GLIS3: variants seen among roughly 807,000 people sequenced by gnomAD.
GLIS3 encodes the protein GLIS family zinc finger 3.
A neutral mutation model predicts 78.6 loss-of-function variants in GLIS3; 53 were observed. That is an observed-to-expected ratio of 0.67 (90% CI 0.54 to 0.85). GLIS3 has a LOEUF of 0.85. GLIS3 is among the 40% of genes least tolerant of loss of function. The pLI is 0.00. For missense variants in GLIS3, 1,703 were observed against 1,231.1 expected (o/e 1.38, Z -5.74); for synonymous variants, 684 against 509.9 (o/e 1.34, Z -4.60).
intron 2 of GLIS3, among the ~76,000 whole-genome samples, chr9:4,135,192 C>G (rs992733659): frequency 6.6e-6 from 1 of 152,178 alleles, no homozygotes; most frequent in Non-Finnish European, 1.5e-5. Flanking sequence ...AGCATTATCT[C>G]TCTTTTATTT....
intron 8 of GLIS3, among the ~76,000 whole-genome samples, chr9:3,866,844 G>A (rs1006754910): frequency 3.3e-5 from 5 of 152,156 alleles, no homozygotes; most frequent in African/African-American, 1.2e-4. Context: ...TTGTGGTGTA[G>A]AGCAGTGCCA....
chr9:4,366,973 C>T, the GLIS3 span, among the ~76,000 whole-genome samples: 1 of 152,222 alleles, frequency 6.6e-6, no homozygotes, highest in Non-Finnish European at 1.5e-5. Flanking sequence ...GAAAGACATC[C>T]ATCCCTGAAT....
intron 2 of GLIS3, among the ~76,000 whole-genome samples, chr9:4,165,222 C>T (rs1835786360): frequency 6.6e-6 from 1 of 152,148 alleles, no homozygotes; most frequent in African/African-American, 2.4e-5. Flanking sequence ...GGGCAGATCA[C>T]CTAAGGTCAG....
chr9:4,482,208 T>G, the GLIS3 span, among the ~76,000 whole-genome samples: 2 of 152,234 alleles, frequency 1.3e-5, no homozygotes, highest in Non-Finnish European at 2.9e-5. Context: ...ATGGAATTTT[T>G]CTTCAATTTG....
chr9:4,334,044 A>G (rs1276014042), intron 2 of GLIS3, among the ~76,000 whole-genome samples: 2 of 152,198 alleles, frequency 1.3e-5, no homozygotes, highest in Non-Finnish European at 2.9e-5. Context: ...TTCATGAGGC[A>G]GACAATACTC....
intron 4 of GLIS3, among the ~76,000 whole-genome samples, chr9:4,103,783 TTC>T (rs985357316): frequency 4.6e-5 from 7 of 152,184 alleles, no homozygotes; most frequent in African/African-American, 1.7e-4. Flanking sequence ...CCCTCTTGTT[TTC>T]TGTTTGACTA....
chr9:4,033,214 C>T (rs1465234569), intron 4 of GLIS3, among the ~76,000 whole-genome samples: 1 of 151,982 alleles, frequency 6.6e-6, no homozygotes, highest in Non-Finnish European at 1.5e-5. Context: ...GCTGGAAGAG[C>T]TTCCCACACC....
rs529770327 is a variant in GLIS3, at chr9:4,227,677, G to A, written c.388+58361C>T. 2.0e-5 allele frequency among the ~76,000 whole-genome samples: 3 copies of A among 152,348 alleles called. No homozygotes were observed. The East Asian group carries it at 5.8e-4, about 29-fold the overall frequency. Reference sequence around the variant, plus strand: ...TACAGCAGACCTATCCGGGACTTCTGTAAGACCAAAGGTTCTATTAAGACA... The same window carrying A: ...TACAGCAGACCTATCCGGGACTTCTATAAGACCAAAGGTTCTATTAAGACA... On this transcript the variant is annotated intron_variant, in intron 2 of 10. Transcript: ENST00000381971.
intron 4 of GLIS3, among the ~76,000 whole-genome samples, chr9:4,061,238 C>A (rs1453764126): frequency 1.4e-5 from 2 of 140,570 alleles, no homozygotes; most frequent in Non-Finnish European, 3.1e-5. Context: ...ATGACAGGCC[C>A]CGGTGTGTGA....
chr9:4,294,426 T>C (rs1816301090), intron 1 of GLIS3, among the ~76,000 whole-genome samples: 1 of 152,088 alleles, frequency 6.6e-6, no homozygotes, highest in Non-Finnish European at 1.5e-5. Flanking sequence ...GGAGAATCAC[T>C]TGAACCCAGG....
At chr9:4,086,485 TA>T (rs1829030362) in intron 4 of GLIS3, among the ~76,000 whole-genome samples, 1 of 152,232 alleles carries the variant, frequency 6.6e-6, no homozygotes, top group South Asian at 2.1e-4. Flanking sequence ...ACCTGGCACA[TA>T]TGCAGAATGT....
At chr9:4,043,210 C>G (rs575337862) in intron 4 of GLIS3, among the ~76,000 whole-genome samples, 1 of 152,260 alleles carries the variant, frequency 6.6e-6, no homozygotes, top group South Asian at 2.1e-4. Flanking sequence ...CTCCCAATCA[C>G]TTTCAGTGAG....
At chr9:4,178,651 C>T (rs942501733) in intron 2 of GLIS3, among the ~76,000 whole-genome samples, 2 of 152,176 alleles carry the variant, frequency 1.3e-5, no homozygotes, top group Admixed American at 6.5e-5. Flanking sequence ...ATCATAAACA[C>T]AGGAAAATAA....
chr9:4,180,146 T>G (rs779005381), intron 2 of GLIS3, among the ~76,000 whole-genome samples: 4 of 152,014 alleles, frequency 2.6e-5, no homozygotes, highest in African/African-American at 4.8e-5. Flanking sequence ...ATAGAGGTCC[T>G]AGGATAGAGA....
intron 4 of GLIS3, among the ~76,000 whole-genome samples, chr9:4,008,630 C>A (rs1435562818): frequency 6.6e-6 from 1 of 152,154 alleles, no homozygotes; most frequent in African/African-American, 2.4e-5. Flanking sequence ...CTGTATTCAT[C>A]TCCCCACCTA....
At chr9:4,097,518 C>A (rs891595059) in intron 4 of GLIS3, among the ~76,000 whole-genome samples, 3 of 152,084 alleles carry the variant, frequency 2.0e-5, no homozygotes, top group Non-Finnish European at 4.4e-5. Context: ...CTCTTAGGAC[C>A]ACCTCCGCCA....
intron 2 of GLIS3, among the ~76,000 whole-genome samples, chr9:4,313,158 T>C (rs1308690259): frequency 6.6e-6 from 1 of 152,068 alleles, no homozygotes; most frequent in African/African-American, 2.4e-5. Context: ...GAGGTGGAGG[T>C]TGGACATACA....
intron 2 of GLIS3, among the ~76,000 whole-genome samples, chr9:4,207,986 A>G (rs1265037242): frequency 6.6e-6 from 1 of 152,200 alleles, no homozygotes; most frequent in Non-Finnish European, 1.5e-5. Context: ...GGTGTGCTTT[A>G]AACAGCACAG....
chr9:3,994,681 G>C (rs1023473082), intron 4 of GLIS3, among the ~76,000 whole-genome samples: 6 of 152,148 alleles, frequency 3.9e-5, no homozygotes, highest in Admixed American at 6.6e-5. Context: ...GCCTCTCCCT[G>C]ATGTCAGCCT....
Sources: gnomAD v4.1 joint callset for allele counts (sites outside exome capture counted in the v4.1 genomes callset) on GRCh38, gnomAD v4.1.1 for gene constraint, MANE v1.5 for transcripts, NCBI Gene and HGNC (gene_info 2026-07-23, HGNC 2026-07-21) for gene names.